The following ADCY5 variants were observed in gnomAD, a reference collection of about 807,000 sequenced individuals.
The protein encoded by ADCY5 is adenylate cyclase type 5.
Under a neutral mutation model 119.7 loss-of-function variants are expected in ADCY5, and 30 were observed. That is an observed-to-expected ratio of 0.25 (90% CI 0.19 to 0.34). ADCY5 has a LOEUF of 0.34. ADCY5 is among the 10% of genes least tolerant of loss of function. ADCY5 has a pLI of 1.00. For synonymous variants in ADCY5, 753 were observed against 762.2 expected, an observed-to-expected ratio of 0.99 and a Z score of 0.20; for missense variants, 1,324 against 1,775.2, an observed-to-expected ratio of 0.75 and a Z score of 4.57.
chr3:123,291,328 G>A lies in ADCY5; in HGVS notation c.3112C>T (p.Arg1038Trp), dbSNP rs772271965. Residue 1038 changes from arginine to tryptophan, a missense_variant, in exon 18 of 21, where the codon CGG becomes TGG. By Grantham distance (101) the Arg-to-Trp change is moderately radical (BLOSUM62 -3). Coordinates refer to ENST00000462833, the MANE Select transcript of ADCY5 (RefSeq NM_183357.3). The stretch of plus-strand genomic sequence containing the variant: ...TTGGGCAGGATGTTGTGCAGCAGCC[G>A]CCGGTTGTAGGCCTGCAGCTCCTCC... ...EMEELQAYNR[R>W]LLHNILPKDV... The A allele has an allele frequency of 3.7e-6, 6 of 1,613,786 alleles. No homozygotes were observed. The highest frequency in any genetic ancestry group is 1.7e-5 in the Admixed American group (1 of 60,004).
At chr3:123,330,758 G>T in intron 5 of ADCY5, 131 bp downstream of exon 5, 1 of 1,247,152 alleles carries the variant, frequency 8.0e-7, no homozygotes, top group Non-Finnish European at 1.1e-6. Flanking sequence ...CAGCTTGGCT[G>T]GGCACCTTTT....
chr3:123,342,447 T>G (rs987469039), intron 3 of ADCY5, among the ~76,000 whole-genome samples: 3 of 152,026 alleles, frequency 2.0e-5, no homozygotes, highest in Admixed American at 6.5e-5. Context: ...CCCTGATGTG[T>G]GGGGAGCGGG....
intron 1 of ADCY5, among the ~76,000 whole-genome samples, chr3:123,367,287 A>G (rs1332901160): frequency 2.6e-5 from 4 of 152,192 alleles, no homozygotes; most frequent in African/African-American, 9.6e-5. Flanking sequence ...TTGGGGCAGG[A>G]GGACAAAGAG....
chr3:123,448,415 TG>T lies in ADCY5; in HGVS notation c.130del (p.His44MetfsTer18). ...EADSRANGYP[H>X]APGGSARGST... ...GCCGCGGGCAGAGCCCCCGGGGGCA[TG>T]GGGGTAGCCATTCGCGCGGGAATCG... On this transcript the variant is annotated frameshift_variant, in exon 1 of 21. Coordinates refer to ENST00000462833, the MANE Select transcript of ADCY5 (RefSeq NM_183357.3). LOFTEE classifies it high-confidence loss of function. 1 of 1,400,450 alleles carries T rather than the reference TG, an allele frequency of 7.1e-7. No homozygotes were observed. Among genetic ancestry groups the T allele is most frequent in the Non-Finnish European group, 9.2e-7 (1 of 1,081,118 alleles). 86.8% of individuals were successfully genotyped at this position (1,400,450 alleles called of 1,614,324 possible). A position where few individuals can be genotyped will look rare whatever the true frequency, so the allele number is the denominator to read the frequency against.
chr3:123,348,220 A>T (rs1559826800), intron 2 of ADCY5, among the ~76,000 whole-genome samples: 3 of 151,980 alleles, frequency 2.0e-5, no homozygotes, highest in Admixed American at 1.3e-4. Flanking sequence ...AGAATCCTGG[A>T]TGTCCCCTGA....
Position 123,368,378 on chromosome 3 carries a change from TTGAGGTCAGGAGTTTGAGACCAGCC to T in ADCY5, c.1135-15822_1135-15798del, listed in dbSNP as rs1943523679. Among the ~76,000 whole-genome samples the T allele has an allele frequency of 3.3e-5, 5 of 152,246 alleles. 1 individual carries two copies. In the South Asian group the frequency reaches 1.0e-3, roughly 32 times the overall value. On this transcript the variant is annotated intron_variant, in intron 1 of 20. Transcript: ENST00000462833. ...TGGGAGGCCAAGACGGGTGGGTCAC[TTGAGGTCAGGAGTTTGAGACCAGCC>T]TGGCCAACATGGCGAAACGCTGTCT...
intron 1 of ADCY5, among the ~76,000 whole-genome samples, chr3:123,367,583 AT>A (rs1397263995): frequency 6.6e-6 from 1 of 152,052 alleles, no homozygotes; most frequent in Non-Finnish European, 1.5e-5. Flanking sequence ...GCAAACCTTC[AT>A]TGTTTCCTGT....
intron 1 of ADCY5, among the ~76,000 whole-genome samples, chr3:123,444,469 G>T (rs188616974): frequency 1.3e-3 from 195 of 152,238 alleles, no homozygotes; most frequent in South Asian, 4.8e-3. Context: ...AAGGAGCCGA[G>T]GGGGAGGGTG....
chr3:123,333,229 G>A (rs1049367026), intron 3 of ADCY5, among the ~76,000 whole-genome samples: 1 of 152,206 alleles, frequency 6.6e-6, no homozygotes, highest in Non-Finnish European at 1.5e-5. Context: ...GAAGGTGGCC[G>A]TCAGCAACCC....
intron 3 of ADCY5, among the ~76,000 whole-genome samples, chr3:123,336,164 G>A (rs1347809663): frequency 6.6e-6 from 1 of 152,216 alleles, no homozygotes; most frequent in South Asian, 2.1e-4. Context: ...AGACTATGCT[G>A]GCGTGTGCAT....
chr3:123,358,361 T>C (rs1048600623), intron 1 of ADCY5, among the ~76,000 whole-genome samples: 5 of 152,074 alleles, frequency 3.3e-5, no homozygotes, highest in Non-Finnish European at 7.4e-5. Context: ...TCCCAGCACT[T>C]TGGGAGGCCA....
Position 123,319,723 on chromosome 3 carries a change from T to A in ADCY5, c.2207A>T (p.His736Leu). The change falls in exon 10 of 21, where the codon CAC becomes CTC. Residue 736 changes from histidine to leucine, a missense_variant. Around this residue, in one of 6 missense-constraint regions of ADCY5, gnomAD observed 424 missense variants for 546.8 expected, o/e 0.78. Coordinates refer to ENST00000462833, the MANE Select transcript of ADCY5 (RefSeq NM_183357.3). Reference protein sequence around the residue: ...ARSIDRLRSEHVRKFLLTFRE... With the variant: ...ARSIDRLRSELVRKFLLTFRE... ...GAAGGTCAGGAGGAACTTGCGGACGTGCTCAGACCGAAGCCTATCAATGCT... is the reference window on the plus strand; with the variant it reads ...GAAGGTCAGGAGGAACTTGCGGACGAGCTCAGACCGAAGCCTATCAATGCT... The A allele has an allele frequency of 6.2e-7, 1 of 1,614,254 alleles. No homozygotes were observed. The highest frequency in any genetic ancestry group is 8.5e-7 in the Non-Finnish European group (1 of 1,180,042).
intron 1 of ADCY5, among the ~76,000 whole-genome samples, chr3:123,400,710 G>C (rs1026428338): frequency 1.3e-5 from 2 of 152,198 alleles, no homozygotes; most frequent in African/African-American, 2.4e-5. Flanking sequence ...ACTTTGGGAG[G>C]CCAAGGCAGG....
intron 12 of ADCY5, 46 bp downstream of exon 12, chr3:123,314,189 G>A (rs756915422): frequency 6.0e-6 from 9 of 1,511,432 alleles, no homozygotes; most frequent in Non-Finnish European, 8.2e-6. Flanking sequence ...AGGGCTGAGA[G>A]AAGCGGGAAG....
intron 4 of ADCY5, among the ~76,000 whole-genome samples, chr3:123,331,243 G>A (rs1222405249): frequency 1.3e-5 from 2 of 152,178 alleles, no homozygotes; most frequent in African/African-American, 2.4e-5. Context: ...AGCCCTGAGC[G>A]GCATTCCAGC....
Position 123,284,489 on chromosome 3 carries a change from A to G in ADCY5, c.*119T>C. On this transcript the variant is annotated 3_prime_UTR_variant, in exon 21 of 21. Transcript: ENST00000462833. ...AAGCTGCTCTGGAGTCCAAGTGGAA[A>G]ATCTCAGCAGCGCAGCCCTGCGGGC... The G allele has an allele frequency of 6.8e-7, 1 of 1,469,954 alleles. No individual in the cohort carries two copies. Among genetic ancestry groups the G allele is most frequent in the East Asian group, 2.3e-5 (1 of 43,610 alleles). 91.1% of individuals were successfully genotyped at this position (1,469,954 alleles called of 1,614,324 possible).
intron 1 of ADCY5, among the ~76,000 whole-genome samples, chr3:123,369,606 A>G (rs1943564229): frequency 6.6e-6 from 1 of 152,224 alleles, no homozygotes; most frequent in African/African-American, 2.4e-5. Flanking sequence ...TCACTAGGAA[A>G]TCCCCAGAAG....
chr3:123,316,627 C>T (rs1940924099), intron 11 of ADCY5, among the ~76,000 whole-genome samples: 1 of 152,176 alleles, frequency 6.6e-6, no homozygotes, highest in Non-Finnish European at 1.5e-5. Flanking sequence ...TTAGATGAAG[C>T]ATGGCTTAGA....
intron 14 of ADCY5, 122 bp from the exon 15 acceptor site, chr3:123,300,417 T>A (rs1939780348): frequency 8.7e-7 from 1 of 1,153,644 alleles, no homozygotes; most frequent in South Asian, 1.5e-5. Flanking sequence ...TTTCTGCTGA[T>A]GTAAATTTCC....
Sources: gnomAD v4.1 joint callset for allele counts (sites outside exome capture counted in the v4.1 genomes callset) on GRCh38, gnomAD v4.1.1 for gene constraint, gnomAD v4.1.1 regional missense constraint, MANE v1.5 for transcripts, NCBI Gene and HGNC (gene_info 2026-07-23, HGNC 2026-07-21) for gene names.